The following C1orf141 variants were observed in gnomAD, a reference collection of about 807,000 sequenced individuals.
C1orf141 encodes the protein uncharacterized protein C1orf141.
Under a neutral mutation model 23.2 loss-of-function variants are expected in C1orf141, and 19 were observed. The ratio of observed to expected loss-of-function variants is 0.82; its 90% CI spans 0.57 to 1.20. The LOEUF (loss-of-function observed/expected upper bound fraction) is 1.20, where lower values mean the gene tolerates loss of function less well. C1orf141 is among the 50% of genes most tolerant of loss of function. The pLI is 0.00. For missense variants in C1orf141, 469 were observed against 455.1 expected, an observed-to-expected ratio of 1.03 and a Z score of -0.28; for synonymous variants, 153 against 154.6, an observed-to-expected ratio of 0.99 and a Z score of 0.08.
chr1:67,105,819 C>T (rs1217996920), intron 5 of C1orf141, among the ~76,000 whole-genome samples: 1 of 152,134 alleles, frequency 6.6e-6, no homozygotes, highest in Non-Finnish European at 1.5e-5. Flanking sequence ...CTGAAGTTGG[C>T]ATTGTATGGA....
intron 5 of C1orf141, among the ~76,000 whole-genome samples, chr1:67,107,462 A>C (rs905386776): frequency 6.6e-6 from 1 of 152,230 alleles, no homozygotes; most frequent in Non-Finnish European, 1.5e-5. Context: ...ATTTTTTAAA[A>C]AGCAAGACTC....
chr1:67,106,757 A>T (rs1432554145), intron 5 of C1orf141, among the ~76,000 whole-genome samples: 1 of 152,198 alleles, frequency 6.6e-6, no homozygotes, highest in East Asian at 1.9e-4. Flanking sequence ...AGGGAATCTT[A>T]CCGGAGAAAC....
chr1:67,117,587 A>G (rs1165090460), intron 4 of C1orf141, among the ~76,000 whole-genome samples: 1 of 152,088 alleles, frequency 6.6e-6, no homozygotes, highest in Non-Finnish European at 1.5e-5. Flanking sequence ...AATGTATCTT[A>G]TGTTCTTATT....
At chr1:67,114,619 G>A (rs1646152364) in intron 5 of C1orf141, among the ~76,000 whole-genome samples, 1 of 152,132 alleles carries the variant, frequency 6.6e-6, no homozygotes, top group Admixed American at 6.5e-5. Flanking sequence ...AAGGCAACAC[G>A]AAAAGCTCAA....
intron 5 of C1orf141, among the ~76,000 whole-genome samples, chr1:67,101,884 G>C (rs1032417274): frequency 6.6e-6 from 1 of 152,082 alleles, no homozygotes; most frequent in African/African-American, 2.4e-5. Flanking sequence ...TGCTTTGAGG[G>C]AACACTTCAG....
intron 4 of C1orf141, 99 bp downstream of exon 4, chr1:67,125,653 T>G: frequency 8.6e-7 from 1 of 1,162,458 alleles, no homozygotes; most frequent in South Asian, 1.2e-5. Context: ...GAGCCATGTT[T>G]GCACCACTGC....
At chr1:67,135,734 G>T (rs1281888257), upstream of C1orf141, among the ~76,000 whole-genome samples, 2 of 151,728 alleles carry the variant, frequency 1.3e-5, no homozygotes, top group Non-Finnish European at 2.9e-5. Context: ...CACAATATTG[G>T]TTACATTTTA....
In C1orf141 at chr1:67,125,878, GT is replaced by G; in HGVS notation, c.106del (p.Thr36GlnfsTer7). 1 of 1,497,840 alleles carries G rather than the reference GT, an allele frequency of 6.7e-7. No individual in the cohort carries two copies. The highest frequency in any genetic ancestry group is 9.0e-7 in the Non-Finnish European group (1 of 1,112,278). 92.8% of individuals were successfully genotyped at this position (1,497,840 alleles called of 1,614,324 possible). A position where few individuals can be genotyped will look rare whatever the true frequency, so the allele number is the denominator to read the frequency against. On this transcript the variant is annotated frameshift_variant, in exon 4 of 8. Transcript: ENST00000684719. LOFTEE classifies it high-confidence loss of function. ...AAATGTCAGGGGTATAGCCATAGTTGTTTTTCTTCCTTCACTCTGAAGCCTG... is the reference window on the plus strand; with the variant it reads ...AAATGTCAGGGGTATAGCCATAGTTGTTTTCTTCCTTCACTCTGAAGCCTG... ...INRLQSEGRK[T>X]TMAIPLTFDF... is the part of the protein sequence containing the mutation.
chr1:67,096,157 AG>A (rs745732697), intron 6 of C1orf141, 94 bp downstream of exon 6: 5 of 675,262 alleles, frequency 7.4e-6, no homozygotes, highest in East Asian at 2.9e-5. Flanking sequence ...CTAAATAATA[AG>A]GCAGAATAAA....
chr1:67,110,278 G>A (rs1276251805), intron 5 of C1orf141, among the ~76,000 whole-genome samples: 3 of 152,034 alleles, frequency 2.0e-5, no homozygotes, highest in East Asian at 3.8e-4. Context: ...GATTAAAAAT[G>A]ATGGGAAAAA....
intron 5 of C1orf141, among the ~76,000 whole-genome samples, chr1:67,103,791 C>A (rs927484201): frequency 6.6e-6 from 1 of 152,072 alleles, no homozygotes; most frequent in Admixed American, 6.6e-5. Context: ...TACAGCAGAT[C>A]AGTTCTGAGT....
intron 5 of C1orf141, among the ~76,000 whole-genome samples, chr1:67,100,462 C>T (rs1021195109): frequency 2.6e-5 from 4 of 152,070 alleles, no homozygotes; most frequent in African/African-American, 7.2e-5. Flanking sequence ...ATCATTTCAT[C>T]CTTGATGATT....
At chr1:67,109,572 G>A in intron 5 of C1orf141, among the ~76,000 whole-genome samples, 1 of 152,154 alleles carries the variant, frequency 6.6e-6, no homozygotes, top group East Asian at 1.9e-4. Flanking sequence ...AAAGTTACAT[G>A]CTTCTTTTTT....
At chr1:67,132,034 CG>C (rs999821496) in intron 1 of C1orf141, among the ~76,000 whole-genome samples, 11 of 151,752 alleles carry the variant, frequency 7.2e-5, no homozygotes, top group African/African-American at 2.2e-4. Context: ...CCGCCCACCT[CG>C]GCCTCCCAAA....
In C1orf141 at chr1:67,093,429, T is replaced by C; in HGVS notation, c.779A>G (p.Asn260Ser). The stretch of plus-strand genomic sequence containing the variant: ...GGGTTTGAAAAGAGAAATAGATTGA[T>C]TGCCAATTATAGATTTGAGGATTTC... ...NCEILKSIIG[N>S]QSISLFKPQK... Residue 260 changes from asparagine (N) to serine (S), a missense_variant, in exon 8 of 8, where the codon AAT (asparagine) becomes AGT (serine). Physicochemically the swap from Asn to Ser is conservative, Grantham distance 46. Around this residue, in one of 3 missense-constraint regions of C1orf141, gnomAD observed 370 missense variants for 348.1 expected, o/e 1.06. Coordinates refer to ENST00000684719, the MANE Select transcript of C1orf141 (RefSeq NM_001276351.2). 6.2e-7 allele frequency: 1 copy of C among 1,611,636 alleles called. No homozygotes were observed. Among genetic ancestry groups the C allele is most frequent in the Non-Finnish European group, 8.5e-7 (1 of 1,178,298 alleles).
chr1:67,124,500 G>A (rs1646364987), intron 4 of C1orf141, among the ~76,000 whole-genome samples: 1 of 152,052 alleles, frequency 6.6e-6, no homozygotes, highest in Non-Finnish European at 1.5e-5. Context: ...ATATATTTTA[G>A]TAGAGACAGG....
Position 67,125,780 on chromosome 1 carries a change from T to C in C1orf141, c.205A>G (p.Lys69Glu), listed in dbSNP as rs1368548274. 16 of 1,613,282 alleles carry C rather than the reference T, an allele frequency of 9.9e-6. No individual in the cohort carries two copies. Among genetic ancestry groups the C allele is most frequent in the Non-Finnish European group, 1.4e-5 (16 of 1,179,450 alleles). ...SKAISKIKED[K>E]SCSITKSKMH... is the part of the protein sequence containing the mutation. Reference sequence around the variant, plus strand: ...TTTGATTTTGTAATGCTGCATGACTTGTCTTCTTTGATCTTTGATATTGCC... The same window carrying C: ...TTTGATTTTGTAATGCTGCATGACTCGTCTTCTTTGATCTTTGATATTGCC... The change falls in exon 4 of 8, where the codon AAG becomes GAG. Residue 69 changes from lysine to glutamate, a missense_variant. Lys to Glu is a moderately conservative substitution (Grantham distance 56). Around this residue, in one of 3 missense-constraint regions of C1orf141, gnomAD observed 95 missense variants for 90.3 expected, o/e 1.05. Coordinates refer to ENST00000684719, the MANE Select transcript of C1orf141 (RefSeq NM_001276351.2).
intron 5 of C1orf141, among the ~76,000 whole-genome samples, chr1:67,113,915 G>A (rs1646133653): frequency 6.6e-6 from 1 of 152,136 alleles, no homozygotes. Flanking sequence ...GATGATAAGG[G>A]ATCCCTGGTC....
intron 5 of C1orf141, chr1:67,111,618 T>C: frequency 7.2e-7 from 1 of 1,391,444 alleles, no homozygotes; most frequent in Non-Finnish European, 9.6e-7. Flanking sequence ...CTAATAGATC[T>C]TGATTTTAGA....
Sources: allele counts gnomAD v4.1 joint callset (sites outside exome capture counted in the v4.1 genomes callset), GRCh38; gene constraint gnomAD v4.1.1; regional missense constraint gnomAD v4.1.1; transcripts MANE v1.5; gene names NCBI Gene and HGNC (gene_info 2026-07-23, HGNC 2026-07-21).